The following ZNF827 variants were observed in gnomAD, a reference collection of about 807,000 sequenced individuals.
ZNF827 encodes zinc finger protein 827.
In ZNF827, 13 loss-of-function variants were observed where a neutral mutation model predicts 102.4. The observed-to-expected ratio is 0.13, with a 90% CI of 0.08 to 0.20. The LOEUF is 0.20. ZNF827 is among the 10% of genes least tolerant of loss of function. The pLI, the probability that ZNF827 is intolerant of heterozygous loss-of-function variation, is 1.00. For synonymous variants in ZNF827, 523 were observed against 536.2 expected (o/e 0.98, Z 0.34); for missense variants, 1,103 against 1,344.4 (o/e 0.82, Z 2.81).
intron 6 of ZNF827, 65 bp downstream of exon 6, chr4:145,849,257 C>A: frequency 6.0e-6 from 9 of 1,498,742 alleles, no homozygotes; most frequent in South Asian, 2.7e-5. Flanking sequence ...TTAAAAAAAA[C>A]TGTGTTAGAA....
At chr4:145,815,196 A>G (rs1160385917) in intron 8 of ZNF827, among the ~76,000 whole-genome samples, 29 of 152,194 alleles carry the variant, frequency 1.9e-4, no homozygotes, top group Admixed American at 1.8e-3. Context: ...CTTTGGACTG[A>G]AAGAGCTCCA....
At chr4:145,918,929 G>A (rs1250934318) in intron 1 of ZNF827, among the ~76,000 whole-genome samples, 2 of 152,058 alleles carry the variant, frequency 1.3e-5, no homozygotes, top group Non-Finnish European at 2.9e-5. Flanking sequence ...ATCTTACTGG[G>A]GACTAAGTGT....
At chr4:145,861,158 G>C (rs1747691514) in intron 5 of ZNF827, among the ~76,000 whole-genome samples, 1 of 152,180 alleles carries the variant, frequency 6.6e-6, no homozygotes, top group Non-Finnish European at 1.5e-5. Context: ...AATTATGCAT[G>C]CAAATATTCC....
intron 8 of ZNF827, among the ~76,000 whole-genome samples, chr4:145,798,751 G>A (rs561725738): frequency 6.6e-6 from 1 of 152,314 alleles, no homozygotes; most frequent in Admixed American, 6.5e-5. Context: ...TAGAACAGAT[G>A]AGGCAGAATT....
rs1750657560 is a variant in ZNF827 at position 145,892,181 on chromosome 4, C to T, written c.1266+62G>A. 3 of 1,531,040 alleles carry T rather than the reference C, an allele frequency of 2.0e-6. No homozygotes were observed. The East Asian group carries it at 6.9e-5, about 35-fold the overall frequency. The allele number at this position is 1,531,040 out of a possible 1,614,324, so 94.8% of individuals were successfully genotyped here. On this transcript the variant is annotated intron_variant, in intron 3 of 14. Coordinates refer to ENST00000508784, the MANE Select transcript of ZNF827 (RefSeq NM_001306215.2). ...CGGCCAAGAAGCCTCCTGCACCAGA[C>T]CATGTACAGAAGCCCTGGCTGTGCC...
chr4:145,839,894 C>A lies in ZNF827; in HGVS notation c.2279+6062G>T, dbSNP rs1261262814. 2.6e-5 allele frequency among the ~76,000 whole-genome samples: 4 copies of A among 152,208 alleles called. No individual in the cohort carries two copies. The East Asian group carries it at 5.8e-4, about 22-fold the overall frequency. On this transcript the variant is annotated intron_variant, in intron 7 of 14. Coordinates refer to ENST00000508784, the MANE Select transcript of ZNF827 (RefSeq NM_001306215.2). ...AAGAAAGGCACAGCCCTCTTCAGAT[C>A]CTGAAAAGGAGATTTAAATTTGCCT...
At chr4:145,938,124 G>T (rs892573052) in intron 1 of ZNF827, among the ~76,000 whole-genome samples, 1 of 151,084 alleles carries the variant, frequency 6.6e-6, no homozygotes, top group East Asian at 2.0e-4. Flanking sequence ...GGAAAAAAAG[G>T]GGGGGGGTGA....
chr4:145,938,315 A>C, intron 1 of ZNF827, 50 bp downstream of exon 1: 2 of 1,609,016 alleles, frequency 1.2e-6, no homozygotes, highest in Non-Finnish European at 1.7e-6. Flanking sequence ...GAAAGAGGAG[A>C]GGGAGGGCGA....
intron 5 of ZNF827, among the ~76,000 whole-genome samples, chr4:145,865,628 G>C (rs1748114388): frequency 1.3e-5 from 2 of 152,206 alleles, no homozygotes; most frequent in African/African-American, 4.8e-5. Flanking sequence ...TAGCAAATTA[G>C]AGAGGTTTTT....
In ZNF827 at chr4:145,760,720, G is replaced by GTTT. The variant is rs10715391; in HGVS notation, c.*893_*895dup. On this transcript the variant is annotated 3_prime_UTR_variant, in exon 15 of 15. Transcript: ENST00000508784. Reference sequence around the variant, plus strand: ...GCTGGGGTTGTGTTTAAGTTTTGTGGTTTTTTTTTTTTTTTTTGTCTTTTG... The same window carrying GTTT: ...GCTGGGGTTGTGTTTAAGTTTTGTGGTTTTTTTTTTTTTTTTTTTTGTCTTTTG... 1.3e-4 allele frequency: 94 copies of GTTT among 706,326 alleles called. No individual in the cohort carries two copies. In the African/African-American group the frequency reaches 1.6e-3, roughly 12 times the overall value. 43.8% of individuals were successfully genotyped at this position (706,326 alleles called of 1,614,324 possible).
At chr4:145,880,355 T>C (rs1055692004) in intron 4 of ZNF827, among the ~76,000 whole-genome samples, 2 of 152,270 alleles carry the variant, frequency 1.3e-5, no homozygotes, top group African/African-American at 4.8e-5. Context: ...TACTATGGCG[T>C]TGCCACAAGG....
At chr4:145,824,778 AG>A (rs34103251) in intron 7 of ZNF827, among the ~76,000 whole-genome samples, 14 of 152,218 alleles carry the variant, frequency 9.2e-5, no homozygotes, top group African/African-American at 3.1e-4. Context: ...GACCAAGCCT[AG>A]GACTCCCAGG....
intron 5 of ZNF827, among the ~76,000 whole-genome samples, chr4:145,859,323 T>C (rs1747481877): frequency 6.6e-6 from 1 of 151,908 alleles, no homozygotes; most frequent in South Asian, 2.1e-4. Context: ...ATAAGTGAAA[T>C]AAAACAAAAA....
At chr4:145,883,855 G>A (rs1223217547) in intron 4 of ZNF827, among the ~76,000 whole-genome samples, 1 of 152,112 alleles carries the variant, frequency 6.6e-6, no homozygotes, top group African/African-American at 2.4e-5. Flanking sequence ...AGCCCCCTTT[G>A]CTATCACGGT....
chr4:145,849,291 A>G lies in ZNF827; in HGVS notation c.2221+31T>C, dbSNP rs769720813. On this transcript the variant is annotated intron_variant, in intron 6 of 14. Coordinates refer to ENST00000508784, the MANE Select transcript of ZNF827 (RefSeq NM_001306215.2). ...AAGGGTTTTCCTTCAATGATTTCCA[A>G]TAATTGACATTTTCCTGTGCATAAA... The G allele has an allele frequency of 6.3e-6, 10 of 1,595,602 alleles. No individual in the cohort carries two copies. The South Asian group carries it at 1.1e-4, about 18-fold the overall frequency.
intron 6 of ZNF827, among the ~76,000 whole-genome samples, chr4:145,846,789 C>G (rs1746007329): frequency 6.8e-6 from 1 of 146,888 alleles, no homozygotes; most frequent in African/African-American, 2.5e-5. Flanking sequence ...TACACTCCAG[C>G]CTGAGCAACA....
At chr4:145,869,306 C>T (rs1435018790) in intron 5 of ZNF827, among the ~76,000 whole-genome samples, 2 of 152,196 alleles carry the variant, frequency 1.3e-5, no homozygotes, top group African/African-American at 4.8e-5. Flanking sequence ...CAACCAGAAA[C>T]ACAGTCAGAA....
intron 4 of ZNF827, among the ~76,000 whole-genome samples, chr4:145,870,999 G>A (rs1022181537): frequency 1.3e-5 from 2 of 152,106 alleles, no homozygotes; most frequent in Non-Finnish European, 2.9e-5. Context: ...ATTATAAGAC[G>A]ACACTACTGA....
intron 7 of ZNF827, among the ~76,000 whole-genome samples, chr4:145,826,749 CTT>C (rs952183164): frequency 2.6e-5 from 4 of 151,942 alleles, no homozygotes; most frequent in African/African-American, 9.7e-5. Context: ...CACTGTGGGT[CTT>C]TTTTTCTTTT....
Sources: allele counts gnomAD v4.1 joint callset (sites outside exome capture counted in the v4.1 genomes callset), GRCh38; gene constraint gnomAD v4.1.1; transcripts MANE v1.5; gene names NCBI Gene and HGNC (gene_info 2026-07-23, HGNC 2026-07-21).